ELFN1: variants seen among roughly 807,000 people sequenced by gnomAD.
ELFN1 encodes the protein extracellular leucine rich repeat and fibronectin type III domain containing 1.
Under a neutral mutation model 7.6 loss-of-function variants are expected in ELFN1, and 6 were observed. The observed-to-expected ratio is 0.79, with a 90% CI of 0.43 to 1.56. ELFN1 has a LOEUF of 1.56. ELFN1 is among the 40% of genes most tolerant of loss of function. The probability of loss-of-function intolerance (pLI) is 0.01; values close to 1 mark genes in which losing one functional copy is unlikely to be tolerated. For missense variants in ELFN1, 1,169 were observed against 1,232.2 expected (o/e 0.95, Z 0.77); for synonymous variants, 657 against 588.1 (o/e 1.12, Z -1.70).
At chr7:1,706,910 G>T (rs1779543730) in intron 2 of ELFN1, among the ~76,000 whole-genome samples, 1 of 152,252 alleles carries the variant, frequency 6.6e-6, no homozygotes. Flanking sequence ...GTGTCTGAGT[G>T]AGCCTTTGTG....
At chr7:1,676,807 C>T (rs564619208) in intron 1 of ELFN1, among the ~76,000 whole-genome samples, 20 of 152,198 alleles carry the variant, frequency 1.3e-4, no homozygotes, top group Non-Finnish European at 2.2e-4. Flanking sequence ...GCCCCAGGGT[C>T]CGGGCTGCTC....
chr7:1,709,925 G>A (rs1255950876), intron 3 of ELFN1, among the ~76,000 whole-genome samples: 1 of 152,156 alleles, frequency 6.6e-6, no homozygotes, highest in Non-Finnish European at 1.5e-5. Context: ...GTCCTCTCTG[G>A]GCAACTGTAC....
intron 3 of ELFN1, among the ~76,000 whole-genome samples, chr7:1,737,964 G>A (rs1442743554): frequency 6.6e-6 from 1 of 152,214 alleles, no homozygotes; most frequent in Non-Finnish European, 1.5e-5. Flanking sequence ...CCCTGCCTGT[G>A]GGAGGCAGAG....
intron 1 of ELFN1, among the ~76,000 whole-genome samples, chr7:1,685,956 T>A (rs1779055255): frequency 6.8e-6 from 1 of 147,840 alleles, no homozygotes; most frequent in Admixed American, 6.8e-5. Context: ...TATATAGTTA[T>A]ATTATACAAA....
chr7:1,734,543 G>A (rs980397063), intron 3 of ELFN1, among the ~76,000 whole-genome samples: 1 of 152,020 alleles, frequency 6.6e-6, no homozygotes, highest in Non-Finnish European at 1.5e-5. Flanking sequence ...AGCCCTCCCC[G>A]CTCTGGTCGG....
chr7:1,687,347 T>C (rs1411670878), intron 1 of ELFN1, among the ~76,000 whole-genome samples: 1 of 150,294 alleles, frequency 6.7e-6, no homozygotes, highest in Non-Finnish European at 1.5e-5. Flanking sequence ...CACCCTGTGG[T>C]ATTTTTTTTT....
At chr7:1,668,664 TGCCCCGCTCA>T (rs1162823309), upstream of ELFN1, among the ~76,000 whole-genome samples, 2 of 151,864 alleles carry the variant, frequency 1.3e-5, no homozygotes, top group Non-Finnish European at 2.9e-5. Flanking sequence ...GAGGAGAGGG[TGCCCCGCTCA>T]CCGCCGGCCT....
rs1361644672 is a variant in ELFN1 at position 1,695,386 on chromosome 7, A to G, written c.-456+7236A>G. On this transcript the variant is annotated intron_variant, in intron 2 of 3. Coordinates refer to ENST00000424383, the MANE Select transcript of ELFN1 (RefSeq NM_001128636.4). This position sits in a 1 kb window ranked among gnomAD's most constrained non-coding sequence, Gnocchi z 5.1. ...AGGGCAGGAGCAGGACCATTGGCACAAGCCTGGGCGAGTCTCGCTGGGAGG... is the reference window on the plus strand; with the variant it reads ...AGGGCAGGAGCAGGACCATTGGCACGAGCCTGGGCGAGTCTCGCTGGGAGG... 6.6e-6 allele frequency among the ~76,000 whole-genome samples: 1 copy of G among 152,192 alleles called. No homozygotes were observed. The highest frequency in any genetic ancestry group is 1.5e-5 in the Non-Finnish European group (1 of 68,032).
intron 1 of ELFN1, among the ~76,000 whole-genome samples, chr7:1,675,837 C>A (rs1397379381): frequency 6.6e-6 from 1 of 152,224 alleles, no homozygotes. Flanking sequence ...CCCGGAGATA[C>A]CCACAGCACA....
chr7:1,723,938 T>C (rs1780102384), intron 3 of ELFN1, among the ~76,000 whole-genome samples: 1 of 152,166 alleles, frequency 6.6e-6, no homozygotes, highest in African/African-American at 2.4e-5. Context: ...TCCCCTCCCA[T>C]TGAGGCCACT....
intron 3 of ELFN1, among the ~76,000 whole-genome samples, chr7:1,724,144 A>G (rs1484742380): frequency 6.6e-6 from 1 of 152,216 alleles, no homozygotes. Flanking sequence ...TCACAGGGTT[A>G]CCATAAGTAT....
At chr7:1,672,090 A>G (rs1163745753) in intron 1 of ELFN1, among the ~76,000 whole-genome samples, 1 of 152,112 alleles carries the variant, frequency 6.6e-6, no homozygotes, top group Non-Finnish European at 1.5e-5. Flanking sequence ...GTGTGCGTAT[A>G]ATTCAGGATG....
rs1265720633 is a variant in ELFN1, at chr7:1,746,069, C to T, written c.1473C>T (p.Pro491=). ...TGTCCCAGGGCCCGCTGCTGGGCCC[C>T]GAGGCCGTGACGCGCATCCCTTACC... is the stretch of plus-strand genomic sequence containing the variant. The part of the protein sequence containing the change: ...APLSQGPLLG[P]EAVTRIPYLP... Residue 491 remains proline (P), a synonymous_variant, in exon 4 of 4, where the codon CCC becomes CCT. Transcript: ENST00000424383. 8.4e-6 allele frequency: 13 copies of T among 1,546,906 alleles called. No homozygotes were observed. The highest frequency in any genetic ancestry group is 2.7e-5 in the African/African-American group (2 of 72,954).
rs555377875 is a variant in ELFN1 at position 1,739,824 on chromosome 7, G to A, written c.-293-4480G>A. ...CGGCTCAGAGGGCCCGAGGGGGGACGCCCGGTGGGGCGGGGCTGAGGATGG... is the reference window on the plus strand; with the variant it reads ...CGGCTCAGAGGGCCCGAGGGGGGACACCCGGTGGGGCGGGGCTGAGGATGG... On this transcript the variant is annotated intron_variant, in intron 3 of 3. Transcript: ENST00000424383. This position sits in a 1 kb window ranked among gnomAD's most constrained non-coding sequence, Gnocchi z 4.6. 5.9e-5 allele frequency among the ~76,000 whole-genome samples: 9 copies of A among 152,308 alleles called. No homozygotes were observed. Among genetic ancestry groups the A allele is most frequent in the African/African-American group, 9.6e-5 (4 of 41,564 alleles).
chr7:1,674,442 T>C (rs1179042318), intron 1 of ELFN1, among the ~76,000 whole-genome samples: 2 of 152,102 alleles, frequency 1.3e-5, no homozygotes, highest in Admixed American at 6.5e-5. Flanking sequence ...TCCCCTCGCC[T>C]GTGAGCCGGA....
chr7:1,690,596 A>G (rs1022685129), intron 2 of ELFN1, among the ~76,000 whole-genome samples: 4 of 147,344 alleles, frequency 2.7e-5, no homozygotes, highest in Admixed American at 6.7e-5. Context: ...AGGTGGGTGG[A>G]TGGATGGATG....
In ELFN1 at chr7:1,746,591, C is replaced by A. The variant is rs1290533657; in HGVS notation, c.1995C>A (p.Ala665=). ...EAVGVHKAAA[A]EAKYIEKGSP... is the part of the protein sequence containing the mutation. ...TCGGGGTGCACAAGGCCGCGGCCGC[C>A]GAGGCCAAGTACATCGAGAAGGGCT... The change falls in exon 4 of 4, where the codon GCC becomes GCA. Residue 665 remains alanine (A), a synonymous_variant. Transcript: ENST00000424383. 4.5e-6 allele frequency: 6 copies of A among 1,346,104 alleles called. No individual in the cohort carries two copies. In the African/African-American group the frequency reaches 9.3e-5, roughly 21 times the overall value. 83.4% of individuals were successfully genotyped at this position (1,346,104 alleles called of 1,614,324 possible).
In ELFN1 at chr7:1,673,579, A is replaced by C. The variant is rs1373646003; in HGVS notation, c.-549+3225A>C. Among the ~76,000 whole-genome samples, 2 of 141,860 alleles carry C rather than the reference A, an allele frequency of 1.4e-5. No homozygotes were observed. The highest frequency in any genetic ancestry group is 3.1e-5 in the Non-Finnish European group (2 of 64,296). The allele number at this position is 141,860 out of a possible 152,430, so 93.1% of individuals were successfully genotyped here. A position where few individuals can be genotyped will look rare whatever the true frequency, so the allele number is the denominator to read the frequency against. On this transcript the variant is annotated intron_variant, in intron 1 of 3. Coordinates refer to ENST00000424383, the MANE Select transcript of ELFN1 (RefSeq NM_001128636.4). This position sits in a 1 kb window ranked among gnomAD's most constrained non-coding sequence, Gnocchi z 4.7. ...ACCTCTTCCAGCCTCCTGGGGAGGG[A>C]GGGCGGGAGGTGAGAGACCACCCTG...
chr7:1,687,043 C>G (rs931623213), intron 1 of ELFN1, among the ~76,000 whole-genome samples: 2 of 151,816 alleles, frequency 1.3e-5, no homozygotes, highest in Non-Finnish European at 2.9e-5. Flanking sequence ...ATAAAATCAG[C>G]CCCTGACAGC....
Sources: allele counts gnomAD v4.1 joint callset (sites outside exome capture counted in the v4.1 genomes callset), GRCh38; gene constraint gnomAD v4.1.1; non-coding constraint Gnocchi (gnomAD v3.1); transcripts MANE v1.5; gene names NCBI Gene and HGNC (gene_info 2026-07-23, HGNC 2026-07-21).